Variants in CFAP20DC observed in about 807,000 individuals in gnomAD.
CFAP20DC encodes CFAP20 domain containing.
Under a neutral mutation model 101.7 loss-of-function variants are expected in CFAP20DC, and 84 were observed. The ratio of observed to expected loss-of-function variants is 0.83; its 90% confidence interval spans 0.69 to 0.99. CFAP20DC has a LOEUF of 0.99. CFAP20DC is among the 50% of genes least tolerant of loss of function. CFAP20DC has a pLI of 0.00. For synonymous variants in CFAP20DC, 359 were observed against 351.2 expected (o/e 1.02, Z -0.25); for missense variants, 1,007 against 970.3 (o/e 1.04, Z -0.50).
intron 16 of CFAP20DC, among the ~76,000 whole-genome samples, chr3:58,752,054 A>C (rs1223917344): frequency 6.6e-6 from 1 of 152,134 alleles, no homozygotes; most frequent in Non-Finnish European, 1.5e-5. Flanking sequence ...TTTCTTTGAC[A>C]CTTTAGCAGA....
intron 4 of CFAP20DC, among the ~76,000 whole-genome samples, chr3:58,967,512 A>G (rs969635807): frequency 6.6e-6 from 1 of 152,142 alleles, no homozygotes; most frequent in Non-Finnish European, 1.5e-5. Flanking sequence ...AATAAACTAG[A>G]CTTCATAAAA....
chr3:59,042,551 G>A (rs1358448033), intron 3 of CFAP20DC, among the ~76,000 whole-genome samples: 1 of 151,990 alleles, frequency 6.6e-6, no homozygotes, highest in East Asian at 1.9e-4. Flanking sequence ...AAGCACGAAC[G>A]AGAAAAAGAG....
intron 15 of CFAP20DC, among the ~76,000 whole-genome samples, chr3:58,759,966 C>T (rs926810341): frequency 5.9e-5 from 9 of 152,152 alleles, no homozygotes; most frequent in South Asian, 2.1e-4. Flanking sequence ...AGTCAGGTAG[C>T]ATGATGCCTC....
At position 58,899,757 on chromosome 3, in the gene CFAP20DC, G is replaced by A. The variant is rs1284602238; in HGVS notation, c.550+13951C>T. Among the ~76,000 whole-genome samples the A allele has an allele frequency of 6.6e-6, 1 of 152,106 alleles. No individual in the cohort carries two copies. Among genetic ancestry groups the A allele is most frequent in the African/African-American group, 2.4e-5 (1 of 41,412 alleles). On this transcript the variant is annotated intron_variant, in intron 6 of 16. Coordinates refer to ENST00000482387, the MANE Select transcript of CFAP20DC (RefSeq NM_001394063.1). This position sits in a 1 kb window ranked among gnomAD's most constrained non-coding sequence, Gnocchi z 5.0. ...TTGGCTTCATGCCACTCCCGGATGG[G>A]CCATCACCCCACCCTGCTTTTTTTC... is the stretch of plus-strand genomic sequence containing the variant.
intron 15 of CFAP20DC, among the ~76,000 whole-genome samples, chr3:58,772,301 G>A (rs915736598): frequency 3.3e-5 from 5 of 152,084 alleles, no homozygotes; most frequent in Admixed American, 3.3e-4. Context: ...AGAAAAGTAG[G>A]CACATATGTG....
At chr3:58,909,390 G>A (rs1469463938) in intron 6 of CFAP20DC, among the ~76,000 whole-genome samples, 1 of 152,082 alleles carries the variant, frequency 6.6e-6, no homozygotes, top group African/African-American at 2.4e-5. Context: ...TTCTTCTCTT[G>A]TACAACTTTT....
chr3:59,037,555 G>C (rs1576801423), intron 4 of CFAP20DC, among the ~76,000 whole-genome samples: 1 of 152,298 alleles, frequency 6.6e-6, no homozygotes, highest in East Asian at 1.9e-4. Flanking sequence ...GGTCTTGAGA[G>C]AAATGCAAAT....
downstream of CFAP20DC, among the ~76,000 whole-genome samples, chr3:58,738,106 GA>G (rs763745518): frequency 5.0e-4 from 76 of 152,238 alleles, no homozygotes; most frequent in Non-Finnish European, 5.7e-4. The surrounding 1 kb of genome is among the most constrained non-coding windows in gnomAD (Gnocchi z 4.4). Flanking sequence ...AACTTTTCTG[GA>G]ATGCAAAATG....
At chr3:58,836,550 A>G (rs1429436106) in intron 13 of CFAP20DC, among the ~76,000 whole-genome samples, 1 of 152,144 alleles carries the variant, frequency 6.6e-6, no homozygotes, top group African/African-American at 2.4e-5. Flanking sequence ...AGATCAGACC[A>G]AGAATCTCAT....
intron 4 of CFAP20DC, among the ~76,000 whole-genome samples, chr3:59,024,564 T>G (rs1350349443): frequency 6.6e-6 from 1 of 152,176 alleles, no homozygotes; most frequent in Non-Finnish European, 1.5e-5. Context: ...CTATCAGTCA[T>G]TTCTATGAAT....
intron 15 of CFAP20DC, among the ~76,000 whole-genome samples, chr3:58,794,779 C>T (rs1228915350): frequency 1.3e-5 from 2 of 152,176 alleles, no homozygotes; most frequent in Admixed American, 1.3e-4. Context: ...TAATGACATG[C>T]AGTGTGGACC....
At position 58,912,565 on chromosome 3, in the gene CFAP20DC, C is replaced by T. The variant is rs1217597499; in HGVS notation, c.550+1143G>A. The T allele has an allele frequency of 2.8e-6, 1 of 354,838 alleles. No individual in the cohort carries two copies. Among genetic ancestry groups the T allele is most frequent in the Non-Finnish European group, 5.5e-6 (1 of 182,214 alleles). 22.0% of individuals were successfully genotyped at this position (354,838 alleles called of 1,614,324 possible). A position where few individuals can be genotyped will look rare whatever the true frequency, so the allele number is the denominator to read the frequency against. ...CTAGATAGAAACTTCTAAGTAATCA[C>T]CTTTGACATCTTATATGCAGCCCTG... is the stretch of plus-strand genomic sequence containing the variant. On this transcript the variant is annotated intron_variant, in intron 6 of 16. Transcript: ENST00000482387. This position sits in a 1 kb window ranked among gnomAD's most constrained non-coding sequence, Gnocchi z 4.4.
chr3:58,783,887 T>C (rs1299630950), intron 15 of CFAP20DC, among the ~76,000 whole-genome samples: 2 of 152,102 alleles, frequency 1.3e-5, no homozygotes, highest in Admixed American at 1.3e-4. Flanking sequence ...AGGGGATACA[T>C]GTGCAGATTT....
intron 11 of CFAP20DC, 29 bp downstream of exon 11, chr3:58,866,537 A>T (rs1334183076): frequency 1.3e-6 from 2 of 1,550,832 alleles, no homozygotes; most frequent in Admixed American, 4.2e-5. Context: ...ATTCATTATT[A>T]ACAGATATGG....
At chr3:58,983,612 T>C (rs2092658254) in intron 4 of CFAP20DC, among the ~76,000 whole-genome samples, 1 of 152,164 alleles carries the variant, frequency 6.6e-6, no homozygotes, top group African/African-American at 2.4e-5. Context: ...ATAGGGTAAA[T>C]ATTTTATCAT....
At chr3:58,760,907 C>CT (rs1173472231) in intron 15 of CFAP20DC, among the ~76,000 whole-genome samples, 2 of 152,146 alleles carry the variant, frequency 1.3e-5, no homozygotes, top group Non-Finnish European at 2.9e-5. Context: ...GGTGGATAAG[C>CT]TTTTTGATGT....
intron 15 of CFAP20DC, among the ~76,000 whole-genome samples, chr3:58,755,665 G>C (rs1355051325): frequency 6.6e-6 from 1 of 152,054 alleles, no homozygotes. Context: ...AAAAATACAG[G>C]GCTCTTCTTT....
rs1428640250 is a variant in CFAP20DC at position 58,861,461 on chromosome 3, A to G, written c.1593+2097T>C. The stretch of plus-strand genomic sequence containing the variant: ...ATGTAAATAAACATTGTAAATATGT[A>G]GCCTAATTTCCCATTGATTTATACA... On this transcript the variant is annotated intron_variant, in intron 12 of 16. Coordinates refer to ENST00000482387, the MANE Select transcript of CFAP20DC (RefSeq NM_001394063.1). This position sits in a 1 kb window ranked among gnomAD's most constrained non-coding sequence, Gnocchi z 4.0. 4 of 898,990 alleles carry G rather than the reference A, an allele frequency of 4.4e-6. No individual in the cohort carries two copies. The highest frequency in any genetic ancestry group is 5.3e-6 in the Non-Finnish European group (4 of 751,288). 55.7% of individuals were successfully genotyped at this position (898,990 alleles called of 1,614,324 possible). A position where few individuals can be genotyped will look rare whatever the true frequency, so the allele number is the denominator to read the frequency against.
At chr3:58,856,235 T>G (rs1034760979) in intron 12 of CFAP20DC, among the ~76,000 whole-genome samples, 1 of 148,002 alleles carries the variant, frequency 6.8e-6, no homozygotes, top group African/African-American at 2.5e-5. Flanking sequence ...TGGGCATACA[T>G]TGTCTTTGTC....
Sources: gnomAD v4.1 joint callset for allele counts (sites outside exome capture counted in the v4.1 genomes callset) on GRCh38, gnomAD v4.1.1 for gene constraint, Gnocchi (gnomAD v3.1) non-coding constraint, MANE v1.5 for transcripts, NCBI Gene and HGNC (gene_info 2026-07-23, HGNC 2026-07-21) for gene names.